Variants in MAST2 observed in about 807,000 individuals in gnomAD.
MAST2 encodes microtubule associated serine/threonine kinase 2.
Under a neutral mutation model 147.4 loss-of-function variants are expected in MAST2, and 70 were observed. The ratio of observed to expected loss-of-function variants is 0.47; its 90% CI spans 0.39 to 0.58. MAST2 has a LOEUF of 0.58. MAST2 is among the 20% of genes least tolerant of loss of function. The pLI, the probability that MAST2 is intolerant of heterozygous loss-of-function variation, is 0.00. For synonymous variants in MAST2, 869 were observed against 896.8 expected (o/e 0.97, Z 0.55); for missense variants, 2,080 against 2,302.3 (o/e 0.90, Z 1.98).
chr1:45,853,744 T>A lies in MAST2; in HGVS notation c.468+24163T>A, dbSNP rs1029738941. Among the ~76,000 whole-genome samples the A allele has an allele frequency of 3.3e-5, 5 of 152,140 alleles. 1 individual carries two copies. The South Asian group carries it at 1.0e-3, about 32-fold the overall frequency. On this transcript the variant is annotated intron_variant, in intron 3 of 28. Transcript: ENST00000361297. Reference sequence around the variant, plus strand: ...TTTTTTTTCAATCAGCTTTCTTAGGTTGAAAAATGTCTTTAATTTTGATGA... The same window carrying A: ...TTTTTTTTCAATCAGCTTTCTTAGGATGAAAAATGTCTTTAATTTTGATGA...
chr1:45,860,550 G>A (rs1245091150), intron 3 of MAST2, among the ~76,000 whole-genome samples: 9 of 151,830 alleles, frequency 5.9e-5, no homozygotes, highest in Non-Finnish European at 1.2e-4. Context: ...TACTACTCTT[G>A]GCCGGGCGCA....
chr1:45,908,276 C>T (rs1651105498), intron 4 of MAST2, among the ~76,000 whole-genome samples: 1 of 152,066 alleles, frequency 6.6e-6, no homozygotes, highest in African/African-American at 2.4e-5. Flanking sequence ...TATACACATG[C>T]CATGGTGGTT....
intron 18 of MAST2, 99 bp from the exon 19 acceptor site, chr1:46,029,367 C>A: frequency 1.0e-6 from 1 of 979,328 alleles, no homozygotes; most frequent in Non-Finnish European, 1.5e-6. Context: ...AGGCTGGGTC[C>A]TTTTTGCCTC....
chr1:45,812,951 G>A (rs1174264751), intron 1 of MAST2, among the ~76,000 whole-genome samples: 1 of 151,812 alleles, frequency 6.6e-6, no homozygotes, highest in Non-Finnish European at 1.5e-5. Flanking sequence ...AGCCCCTCAG[G>A]TCTGTTTGCT....
At chr1:45,891,619 A>C (rs1288656005) in intron 4 of MAST2, among the ~76,000 whole-genome samples, 2 of 152,214 alleles carry the variant, frequency 1.3e-5, no homozygotes, top group Non-Finnish European at 2.9e-5. Flanking sequence ...TTTATTGGAA[A>C]TATCTAGTAA....
At chr1:45,810,688 G>A (rs2148637529) in intron 1 of MAST2, among the ~76,000 whole-genome samples, 1 of 149,466 alleles carries the variant, frequency 6.7e-6, no homozygotes, top group Middle Eastern at 3.4e-3. Flanking sequence ...GTGGGCGCCT[G>A]TAATCCCAGC....
In MAST2 at chr1:45,959,366, A is replaced by G. The variant is rs138069902; in HGVS notation, c.501-20A>G. Reference sequence around the variant, plus strand: ...CCATGGTGTGGCCCTATTATAATTCATATTTTGTTTTCATTGCAGTTGTCG... The same window carrying G: ...CCATGGTGTGGCCCTATTATAATTCGTATTTTGTTTTCATTGCAGTTGTCG... On this transcript the variant is annotated intron_variant, in intron 4 of 28. Transcript: ENST00000361297. The G allele has an allele frequency of 1.6e-3, 2,515 of 1,604,858 alleles. 62 individuals carry two copies. In the East Asian group the frequency reaches 0.037, roughly 24 times the overall value.
chr1:45,976,828 C>T lies in MAST2; in HGVS notation c.592+17351C>T, dbSNP rs186994676. On this transcript the variant is annotated intron_variant, in intron 5 of 28. Coordinates refer to ENST00000361297, the MANE Select transcript of MAST2 (RefSeq NM_015112.3). ...CATGTGGATTGATTGTCTTCAGATT[C>T]CCTGAGTGATTAATGCCATGTGTTG... 4.6e-5 allele frequency among the ~76,000 whole-genome samples: 7 copies of T among 152,190 alleles called. No homozygotes were observed. In the East Asian group the frequency reaches 9.7e-4, roughly 21 times the overall value.
intron 5 of MAST2, among the ~76,000 whole-genome samples, chr1:45,980,912 TCCTTG>T (rs1644380661): frequency 6.6e-6 from 1 of 152,152 alleles, no homozygotes; most frequent in Non-Finnish European, 1.5e-5. Flanking sequence ...CAATGGGTCC[TCCTTG>T]CCCACTGTCC....
chr1:45,918,574 A>AGGCTGCCTCC (rs1296891878), intron 4 of MAST2, among the ~76,000 whole-genome samples: 2 of 152,106 alleles, frequency 1.3e-5, no homozygotes, highest in Non-Finnish European at 2.9e-5. Flanking sequence ...AGTAGCTGGG[A>AGGCTGCCTCC]TTACAGGCGG....
At chr1:45,905,783 A>T (rs1570649118) in intron 4 of MAST2, among the ~76,000 whole-genome samples, 1 of 151,968 alleles carries the variant, frequency 6.6e-6, no homozygotes, top group South Asian at 2.1e-4. Context: ...CTCAAAAAAA[A>T]AAAAATGCCA....
chr1:45,882,346 A>T lies in MAST2; in HGVS notation c.469-18A>T. On this transcript the variant is annotated intron_variant, in intron 3 of 28. Transcript: ENST00000361297. ...AGATGGGTTCTTATTTCTAACTTGC[A>T]TATGTTTTGTTTTTCAGAAGGAGTT... 6.2e-7 allele frequency: 1 copy of T among 1,605,414 alleles called. No individual in the cohort carries two copies.
intron 7 of MAST2, among the ~76,000 whole-genome samples, chr1:46,005,777 A>T (rs1264989384): frequency 6.6e-6 from 1 of 152,154 alleles, no homozygotes; most frequent in East Asian, 1.9e-4. Context: ...AGCTTGAGTG[A>T]GTCTGGGCAC....
chr1:46,010,911 AAGATAATTTGG>A lies in MAST2; in HGVS notation c.1164_1174del (p.Asp388GlufsTer8), dbSNP rs1557472555. ...ACATCACAATACTTCTACGAACTTC[AAGATAATTTGG>A]AGAAACTTTTACAAGATGTGAGTGT... On this transcript the variant is annotated frameshift_variant, in exon 10 of 29. Coordinates refer to ENST00000361297, the MANE Select transcript of MAST2 (RefSeq NM_015112.3). LOFTEE classifies it high-confidence loss of function. 1.9e-6 allele frequency: 3 copies of A among 1,614,126 alleles called. No homozygotes were observed. The South Asian group carries it at 3.3e-5, about 18-fold the overall frequency.
At chr1:45,823,366 C>T (rs1423100139) in intron 1 of MAST2, among the ~76,000 whole-genome samples, 35 of 150,138 alleles carry the variant, frequency 2.3e-4, no homozygotes, top group African/African-American at 6.8e-4. Flanking sequence ...GACGGAGTCT[C>T]GCTCTGTTGC....
intron 10 of MAST2, among the ~76,000 whole-genome samples, chr1:46,018,846 TA>T (rs1292336032): frequency 2.6e-5 from 4 of 152,220 alleles, no homozygotes; most frequent in African/African-American, 9.7e-5. Flanking sequence ...GACTCTCATA[TA>T]GGTGCCTGAA....
chr1:45,840,230 C>T (rs937332094), intron 3 of MAST2, among the ~76,000 whole-genome samples: 1 of 152,162 alleles, frequency 6.6e-6, no homozygotes, highest in African/African-American at 2.4e-5. Context: ...GAGTTATTAA[C>T]AGATTTTGTT....
In MAST2 at chr1:46,034,276, G is replaced by T. The variant is rs962889290; in HGVS notation, c.3868+10G>T. 2 of 1,606,956 alleles carry T rather than the reference G, an allele frequency of 1.2e-6. No individual in the cohort carries two copies. The highest frequency in any genetic ancestry group is 1.7e-6 in the Non-Finnish European group (2 of 1,176,156). On this transcript the variant is annotated intron_variant, in intron 28 of 28. Transcript: ENST00000361297. Reference sequence around the variant, plus strand: ...GATGCTGTGCATTCAGGTACGAAGGGCTCCCTGCAGATCAGTGACAACCCC... The same window carrying T: ...GATGCTGTGCATTCAGGTACGAAGGTCTCCCTGCAGATCAGTGACAACCCC...
At chr1:45,882,012 T>TAA (rs71062722) in intron 3 of MAST2, among the ~76,000 whole-genome samples, 813 of 39,784 alleles carry the variant, frequency 0.02, 80 homozygotes, top group East Asian at 0.04. Context: ...CCGTCTCTAC[T>TAA]AAAAAAAAAA....
Sources: allele counts gnomAD v4.1 joint callset (sites outside exome capture counted in the v4.1 genomes callset), GRCh38; gene constraint gnomAD v4.1.1; transcripts MANE v1.5; gene names NCBI Gene and HGNC (gene_info 2026-07-23, HGNC 2026-07-21).